The following FAM83D variants were observed in gnomAD, a reference collection of about 807,000 sequenced individuals.
FAM83D encodes the protein scaffolding CK1 anchoring protein D.
In FAM83D, 26 loss-of-function variants were observed where a neutral mutation model predicts 25.4. That is an observed-to-expected ratio of 1.02 (90% CI 0.75 to 1.42). FAM83D has a LOEUF of 1.42. FAM83D is among the 40% of genes most tolerant of loss of function. The probability of loss-of-function intolerance (pLI) is 0.00; values close to 1 mark genes in which losing one functional copy is unlikely to be tolerated. For missense variants in FAM83D, 740 were observed against 758.1 expected, an observed-to-expected ratio of 0.98 and a Z score of 0.28; for synonymous variants, 310 against 318.5, an observed-to-expected ratio of 0.97 and a Z score of 0.28.
At chr20:38,941,246 T>A (rs900618736) in intron 1 of FAM83D, among the ~76,000 whole-genome samples, 1 of 152,162 alleles carries the variant, frequency 6.6e-6, no homozygotes, top group Non-Finnish European at 1.5e-5. Flanking sequence ...AGTCATTTGG[T>A]TAGAACCTGC....
intron 1 of FAM83D, 114 bp from the exon 2 acceptor site, chr20:38,941,844 TA>T: frequency 9.9e-7 from 1 of 1,012,712 alleles, no homozygotes; most frequent in East Asian, 2.4e-5. Context: ...GAGGGAAGGA[TA>T]ACTGTTGGAT....
chr20:38,945,971 G>A (rs1237546313), intron 2 of FAM83D, among the ~76,000 whole-genome samples: 1 of 151,938 alleles, frequency 6.6e-6, no homozygotes, highest in African/African-American at 2.4e-5. Context: ...ACTTTGGGAG[G>A]TTGAGGTGGG....
intron 2 of FAM83D, 171 bp downstream of exon 2, chr20:38,942,297 A>T (rs1225077731): frequency 1.5e-6 from 1 of 674,328 alleles, no homozygotes; most frequent in Non-Finnish European, 2.5e-6. Flanking sequence ...TGACCTGGCA[A>T]TTCTCCTAGG....
intron 1 of FAM83D, among the ~76,000 whole-genome samples, chr20:38,939,405 A>C (rs1295336610): frequency 6.6e-6 from 1 of 152,076 alleles, no homozygotes; most frequent in Admixed American, 6.6e-5. Context: ...GCTGGAGTGC[A>C]GTGGTGCGAT....
chr20:38,952,420 C>G lies in FAM83D; in HGVS notation c.1658C>G (p.Thr553Arg). The change falls in exon 4 of 4, where the codon ACA becomes AGA. Residue 553 changes from threonine (T) to arginine (R), a missense_variant. This residue lies in a region of FAM83D where 375 missense variants were observed against 403.2 expected (regional missense o/e 0.93). Coordinates refer to ENST00000619850, the MANE Select transcript of FAM83D (RefSeq NM_030919.3). Reference protein sequence around the residue: ...NHMLAMLSRRTLFTENHLGLH... With the variant: ...NHMLAMLSRRRLFTENHLGLH... Reference sequence around the variant, plus strand: ...ATGCTGGCTATGCTGTCAAGGAGAACACTCTTTACTGAAAACCACCTTGGC... The same window carrying G: ...ATGCTGGCTATGCTGTCAAGGAGAAGACTCTTTACTGAAAACCACCTTGGC... 1 of 1,614,212 alleles carries G rather than the reference C, an allele frequency of 6.2e-7. No individual in the cohort carries two copies. Among genetic ancestry groups the G allele is most frequent in the South Asian group, 1.1e-5 (1 of 91,082 alleles).
intron 1 of FAM83D, among the ~76,000 whole-genome samples, chr20:38,930,231 T>C (rs1365507570): frequency 6.6e-6 from 1 of 152,222 alleles, no homozygotes; most frequent in Non-Finnish European, 1.5e-5. Flanking sequence ...ATCCGTGTTC[T>C]GATAGCAAAG....
intron 1 of FAM83D, among the ~76,000 whole-genome samples, chr20:38,930,894 C>T (rs141913958): frequency 0.013 from 2,041 of 152,302 alleles, 18 homozygotes; most frequent in Middle Eastern, 0.024. Flanking sequence ...CCTCAGCCTC[C>T]CAAAATGCTG....
chr20:38,941,649 A>G (rs1402019534), intron 1 of FAM83D, among the ~76,000 whole-genome samples: 1 of 152,182 alleles, frequency 6.6e-6, no homozygotes, highest in Non-Finnish European at 1.5e-5. Context: ...GAGGAATAGA[A>G]GGTGAATGGA....
chr20:38,938,094 T>C (rs16987687), intron 1 of FAM83D, among the ~76,000 whole-genome samples: 26,141 of 152,262 alleles, frequency 0.17, 2,479 homozygotes, highest in East Asian at 0.34. Flanking sequence ...TAAGGACTAG[T>C]GTTCAAATCC....
At chr20:38,935,005 T>C (rs1310829223) in intron 1 of FAM83D, among the ~76,000 whole-genome samples, 1 of 152,220 alleles carries the variant, frequency 6.6e-6, no homozygotes, top group Non-Finnish European at 1.5e-5. Context: ...TACATAGTTA[T>C]ATACATAATA....
intron 3 of FAM83D, among the ~76,000 whole-genome samples, chr20:38,949,880 C>T (rs1014877024): frequency 6.6e-6 from 1 of 151,316 alleles, no homozygotes; most frequent in African/African-American, 2.4e-5. Context: ...ATGCAGTGGA[C>T]GATCTCGGCT....
chr20:38,926,793 G>T lies in FAM83D; in HGVS notation c.351G>T (p.Trp117Cys). 1 of 1,544,882 alleles carries T rather than the reference G, an allele frequency of 6.5e-7. No individual in the cohort carries two copies. Residue 117 changes from tryptophan (W) to cysteine (C), a missense_variant, in exon 1 of 4, where the codon TGG becomes TGT. This residue lies in a region of FAM83D where 333 missense variants were observed against 298.6 expected (regional missense o/e 1.12). Coordinates refer to ENST00000619850, the MANE Select transcript of FAM83D (RefSeq NM_030919.3). ...AGCCACCGCTGTTGGAGCTTGGCTG[G>T]CCCGCCTTCTACCAGGGCGCCTACC... ...DLEPPLLELGWPAFYQGAYRG... is the reference protein window; with the variant it reads ...DLEPPLLELGCPAFYQGAYRG...
At chr20:38,928,558 G>A (rs1018013160) in intron 1 of FAM83D, among the ~76,000 whole-genome samples, 1 of 152,216 alleles carries the variant, frequency 6.6e-6, no homozygotes, top group Admixed American at 6.5e-5. Flanking sequence ...TAGAACTTGA[G>A]CACTTGGAAC....
chr20:38,944,478 G>C (rs945250537), intron 2 of FAM83D, among the ~76,000 whole-genome samples: 4 of 152,210 alleles, frequency 2.6e-5, no homozygotes, highest in African/African-American at 9.6e-5. Flanking sequence ...TATAATTAAG[G>C]CTATGCATTA....
At chr20:38,934,188 G>A (rs1003460543) in intron 1 of FAM83D, among the ~76,000 whole-genome samples, 4 of 146,864 alleles carry the variant, frequency 2.7e-5, no homozygotes, top group Admixed American at 6.8e-5. Context: ...TTCCCTTAGC[G>A]TCTAGCAGAC....
Position 38,926,796 on chromosome 20 carries a change from C to A in FAM83D, c.354C>A (p.Pro118=). 6.5e-7 allele frequency: 1 copy of A among 1,544,046 alleles called. No homozygotes were observed. Among genetic ancestry groups the A allele is most frequent in the East Asian group, 2.4e-5 (1 of 41,352 alleles). ...LEPPLLELGW[P]AFYQGAYRGA... ...CACCGCTGTTGGAGCTTGGCTGGCC[C>A]GCCTTCTACCAGGGCGCCTACCGCG... The change falls in exon 1 of 4, where the codon CCC becomes CCA. Residue 118 remains proline, a synonymous_variant. Coordinates refer to ENST00000619850, the MANE Select transcript of FAM83D (RefSeq NM_030919.3).
At chr20:38,933,314 G>C (rs1435861979) in intron 1 of FAM83D, among the ~76,000 whole-genome samples, 1 of 152,112 alleles carries the variant, frequency 6.6e-6, no homozygotes, top group Non-Finnish European at 1.5e-5. Context: ...TTCTGTTTGG[G>C]GCTATGAAAA....
intron 1 of FAM83D, among the ~76,000 whole-genome samples, chr20:38,931,654 A>T (rs2085659235): frequency 6.6e-6 from 1 of 152,252 alleles, no homozygotes; most frequent in Non-Finnish European, 1.5e-5. Context: ...AGGAGCCAGG[A>T]TACGAGGCTC....
chr20:38,939,280 G>A (rs1025969626), intron 1 of FAM83D, among the ~76,000 whole-genome samples: 5 of 152,126 alleles, frequency 3.3e-5, no homozygotes, highest in Non-Finnish European at 5.9e-5. Flanking sequence ...GCTCTTATCT[G>A]GTAAGCATTT....
Sources: allele counts gnomAD v4.1 joint callset (sites outside exome capture counted in the v4.1 genomes callset), GRCh38; gene constraint gnomAD v4.1.1; regional missense constraint gnomAD v4.1.1; transcripts MANE v1.5; gene names NCBI Gene and HGNC (gene_info 2026-07-23, HGNC 2026-07-21).